The following GART variants were observed in gnomAD, a reference collection of about 807,000 sequenced individuals.
GART encodes the protein phosphoribosylglycinamide formyltransferase, phosphoribosylglycinamide synthetase, phosphoribosylaminoimidazole synthetase.
In GART, 43 loss-of-function variants were observed where a neutral mutation model predicts 107.2. The ratio of observed to expected loss-of-function variants is 0.40; its 90% CI spans 0.31 to 0.52. The LOEUF (loss-of-function observed/expected upper bound fraction) is 0.52, where lower values mean the gene tolerates loss of function less well. GART is among the 20% of genes least tolerant of loss of function. The pLI is 0.52. For synonymous variants in GART, 434 were observed against 427.0 expected, an observed-to-expected ratio of 1.02 and a Z score of -0.20; for missense variants, 1,107 against 1,206.5, an observed-to-expected ratio of 0.92 and a Z score of 1.22.
chr21:33,539,623 G>A (rs1601236892), intron 1 of GART, among the ~76,000 whole-genome samples: 1 of 102,492 alleles, frequency 9.8e-6, no homozygotes. Context: ...AACCTGGTAG[G>A]AGGAGATCGC....
At chr21:33,532,251 G>T (rs889924196) in intron 5 of GART, 94 bp downstream of exon 5, 11 of 837,540 alleles carry the variant, frequency 1.3e-5, no homozygotes, top group Non-Finnish European at 2.0e-5. Context: ...TTGCAAAATA[G>T]ATTTTCCTTA....
chr21:33,520,574 C>G lies in GART; in HGVS notation c.1504-12G>C. On this transcript the variant is annotated splice_polypyrimidine_tract_variant and intron_variant, in intron 13 of 21. Coordinates refer to ENST00000381815, the MANE Select transcript of GART (RefSeq NM_000819.5). ...CATAGCTGGGCAATCTATGTAAGAA[C>G]AATATAAACATCCACATTAGGGAAT... 2 of 1,606,116 alleles carry G rather than the reference C, an allele frequency of 1.2e-6. No individual in the cohort carries two copies. The highest frequency in any genetic ancestry group is 1.7e-6 in the Non-Finnish European group (2 of 1,173,294).
intron 11 of GART, among the ~76,000 whole-genome samples, chr21:33,522,899 C>A (rs552558315): frequency 6.6e-6 from 1 of 152,142 alleles, no homozygotes; most frequent in Non-Finnish European, 1.5e-5. Context: ...CTAATCAAGT[C>A]AAAAAAGTGA....
At chr21:33,523,390 C>T (rs923582368) in intron 11 of GART, among the ~76,000 whole-genome samples, 3 of 152,102 alleles carry the variant, frequency 2.0e-5, no homozygotes, top group Non-Finnish European at 4.4e-5. Context: ...TGTGGCATTT[C>T]CATTTTTTCA....
chr21:33,518,852 G>C, intron 14 of GART: 1 of 535,850 alleles, frequency 1.9e-6, no homozygotes, highest in Non-Finnish European at 3.7e-6. Context: ...GATGCTGGTA[G>C]CATTTCTATC....
chr21:33,535,323 G>GA lies in GART; in HGVS notation c.146-4_146-3insT. 1 of 465,148 alleles carries GA rather than the reference G, an allele frequency of 2.1e-6. No homozygotes were observed. The allele number at this position is 465,148 out of a possible 1,614,324, so 28.8% of individuals were successfully genotyped here. On this transcript the variant is annotated splice_region_variant and splice_polypyrimidine_tract_variant and intron_variant, in intron 2 of 21. Coordinates refer to ENST00000381815, the MANE Select transcript of GART (RefSeq NM_000819.5). ...AGTGTGGTCACTGATTGAGATGGCT[G>GA]TAAACAGAAAAAAAAAAAAAAAAAC...
chr21:33,539,581 T>C (rs1601236790), intron 1 of GART, among the ~76,000 whole-genome samples: 1 of 151,072 alleles, frequency 6.6e-6, no homozygotes, highest in Admixed American at 6.6e-5. Flanking sequence ...TAATCCCAGG[T>C]ACTCAGGAGG....
chr21:33,542,732 C>T (rs1399465968), upstream of GART: 2 of 238,268 alleles, frequency 8.4e-6, no homozygotes, highest in African/African-American at 2.3e-5. Flanking sequence ...CGCCTTTAAT[C>T]TCAGGCACTT....
At position 33,528,247 on chromosome 21, in the gene GART, A is replaced by G. The variant is rs773634645; in HGVS notation, c.986T>C (p.Leu329Pro). The change falls in exon 10 of 22, where the codon CTA becomes CCA. Residue 329 changes from leucine to proline, a missense_variant. Physicochemically the swap from Leu to Pro is moderately conservative, Grantham distance 98 (BLOSUM62 -3). Transcript: ENST00000381815. ...GLLCTSLPVW[L>P]ENHTALTVVM... ...AACAGTTAGGGCGGTGTGGTTTTCT[A>G]GCCAAACAGGCAGAGATGTGCAGAG... The G allele has an allele frequency of 6.2e-7, 1 of 1,614,026 alleles. No homozygotes were observed. Among genetic ancestry groups the G allele is most frequent in the Non-Finnish European group, 8.5e-7 (1 of 1,180,018 alleles).
intron 18 of GART, 141 bp from the exon 19 acceptor site, chr21:33,506,245 G>A: frequency 1.2e-6 from 1 of 819,668 alleles, no homozygotes; most frequent in Non-Finnish European, 1.8e-6. Context: ...CCGGGTTCAA[G>A]CAATTATCCT....
chr21:33,536,023 ACT>A (rs934361398), intron 2 of GART, among the ~76,000 whole-genome samples: 5 of 150,990 alleles, frequency 3.3e-5, no homozygotes, highest in African/African-American at 1.2e-4. Context: ...CAAGAACGAA[ACT>A]CTGTCTCAAA....
intron 2 of GART, among the ~76,000 whole-genome samples, chr21:33,538,401 GTATTTT>G (rs2085344389): frequency 6.7e-6 from 1 of 149,570 alleles, no homozygotes; most frequent in African/African-American, 2.4e-5. Context: ...GCTAATTTTT[GTATTTT>G]TTTTTTGTAG....
intron 18 of GART, among the ~76,000 whole-genome samples, chr21:33,508,515 C>CTTTTTTTT (rs764380446): frequency 3.6e-5 from 4 of 109,842 alleles, no homozygotes; most frequent in Non-Finnish European, 3.7e-5. Flanking sequence ...TTGTTTCCAT[C>CTTTTTTTT]TTTTTTTTTT....
intron 18 of GART, among the ~76,000 whole-genome samples, chr21:33,507,445 T>C (rs967394032): frequency 1.1e-4 from 16 of 152,126 alleles, no homozygotes; most frequent in Admixed American, 3.9e-4. Context: ...GGTACAAAAA[T>C]ATAGTTAGAA....
chr21:33,530,929 C>G (rs995342230), intron 6 of GART, 45 bp from the exon 7 acceptor site: 2 of 1,466,454 alleles, frequency 1.4e-6, no homozygotes, highest in African/African-American at 3.0e-5. Flanking sequence ...CTGTCAAAAA[C>G]TAAAAAAAAA....
chr21:33,522,342 ATAT>A, intron 11 of GART, 60 bp from the exon 12 acceptor site: 4 of 1,270,010 alleles, frequency 3.1e-6, no homozygotes, highest in Non-Finnish European at 4.5e-6. Context: ...TAATCTTAAA[ATAT>A]TATTTAAAGC....
In GART at chr21:33,511,491, C is replaced by T. The variant is rs7281488; in HGVS notation, c.2108-33G>A. 3.9e-3 allele frequency: 6,237 copies of T among 1,593,580 alleles called. 212 individuals are homozygous for T. In the African/African-American group the frequency reaches 0.074, roughly 19 times the overall value. ...AAATAGACACGAATTGTTTGATTTT[C>T]CTACCTTCTCACACAAAGTACAAAA... On this transcript the variant is annotated intron_variant, in intron 16 of 21. Transcript: ENST00000381815.
chr21:33,528,376 A>C (rs761409297), intron 9 of GART, 41 bp from the exon 10 acceptor site: 1 of 1,604,074 alleles, frequency 6.2e-7, no homozygotes. Context: ...GATAAATTTT[A>C]GTTTTCCTTA....
chr21:33,518,817 G>C (rs1399688965), intron 14 of GART: 3 of 524,326 alleles, frequency 5.7e-6, no homozygotes, highest in Non-Finnish European at 1.1e-5. Context: ...AAACTAGTCA[G>C]ATTGTCTGCA....
Sources: gnomAD v4.1 joint callset for allele counts (sites outside exome capture counted in the v4.1 genomes callset) on GRCh38, gnomAD v4.1.1 for gene constraint, MANE v1.5 for transcripts, NCBI Gene and HGNC (gene_info 2026-07-23, HGNC 2026-07-21) for gene names.